Variants in CSMD1 observed in about 807,000 individuals in gnomAD.
CSMD1 encodes the protein CUB and Sushi multiple domains 1, also known as CUB and sushi domain-containing protein 1.
In CSMD1, 213 loss-of-function variants were observed where a neutral mutation model predicts 417.5. That is an observed-to-expected ratio of 0.51 (90% CI 0.46 to 0.57). The LOEUF (loss-of-function observed/expected upper bound fraction) is 0.57, where lower values mean the gene tolerates loss of function less well. Ranked by LOEUF, CSMD1 falls within the 20% of genes least tolerant of loss-of-function variation. The pLI, the probability that CSMD1 is intolerant of heterozygous loss-of-function variation, is 0.00. For synonymous variants in CSMD1, 2,862 were observed against 1,736.8 expected (o/e 1.65, Z -16.11); for missense variants, 6,923 against 4,529.7 (o/e 1.53, Z -15.17).
At chr8:4,751,451 T>C (rs942484977) in intron 1 of CSMD1, among the ~76,000 whole-genome samples, 1 of 152,088 alleles carries the variant, frequency 6.6e-6, no homozygotes, top group Non-Finnish European at 1.5e-5. Context: ...ATTTCCTCAG[T>C]AGTTCATTAC....
intron 3 of CSMD1, among the ~76,000 whole-genome samples, chr8:4,140,289 G>C (rs970294381): frequency 2.0e-5 from 3 of 150,918 alleles, no homozygotes; most frequent in African/African-American, 5.0e-5. Context: ...TTGAGGTCAG[G>C]AGTTTGAGAC....
At chr8:3,783,585 G>A (rs902447840) in intron 5 of CSMD1, among the ~76,000 whole-genome samples, 4 of 152,290 alleles carry the variant, frequency 2.6e-5, no homozygotes, top group African/African-American at 7.2e-5. Context: ...TGAGAGAGTT[G>A]GACACAGTAG....
At chr8:3,761,263 A>T (rs1797981504) in intron 5 of CSMD1, among the ~76,000 whole-genome samples, 1 of 152,212 alleles carries the variant, frequency 6.6e-6, no homozygotes, top group Admixed American at 6.5e-5. Flanking sequence ...GTATACACAC[A>T]TAAAATAAAC....
chr8:4,759,401 G>A (rs867727478), intron 1 of CSMD1, among the ~76,000 whole-genome samples: 10 of 152,152 alleles, frequency 6.6e-5, no homozygotes, highest in African/African-American at 2.2e-4. Flanking sequence ...TGGCATCTGA[G>A]CATCTCTGAA....
chr8:4,351,173 G>C (rs537283451), intron 3 of CSMD1, among the ~76,000 whole-genome samples: 10 of 152,048 alleles, frequency 6.6e-5, no homozygotes, highest in African/African-American at 1.7e-4. Flanking sequence ...AAAAATTAGG[G>C]AAAGAACAAA....
chr8:4,018,872 C>G (rs995609276), intron 4 of CSMD1, among the ~76,000 whole-genome samples: 1 of 152,028 alleles, frequency 6.6e-6, no homozygotes, highest in African/African-American at 2.4e-5. Flanking sequence ...TCATCTAAAC[C>G]AGAGGGATGA....
intron 26 of CSMD1, among the ~76,000 whole-genome samples, chr8:3,256,210 C>G (rs1212666423): frequency 6.6e-5 from 10 of 151,406 alleles, no homozygotes; most frequent in Non-Finnish European, 1.3e-4. Context: ...ACCTGTAATC[C>G]CAACTACTCA....
chr8:4,236,060 T>G (rs1585072819), intron 3 of CSMD1, among the ~76,000 whole-genome samples: 1 of 96,110 alleles, frequency 1.0e-5, no homozygotes, highest in Admixed American at 9.5e-5. Context: ...TTTTTTTTTT[T>G]TTTTTTTTTG....
At chr8:4,070,426 C>A (rs940885719) in intron 3 of CSMD1, among the ~76,000 whole-genome samples, 1 of 151,872 alleles carries the variant, frequency 6.6e-6, no homozygotes, top group African/African-American at 2.4e-5. Context: ...GGTGGGATCT[C>A]GGCTCACTGC....
intron 12 of CSMD1, among the ~76,000 whole-genome samples, chr8:3,456,261 G>C (rs1407420364): frequency 1.3e-5 from 2 of 151,956 alleles, no homozygotes; most frequent in African/African-American, 2.4e-5. Flanking sequence ...GCTCTTCATA[G>C]GTGGGGCGAT....
intron 1 of CSMD1, among the ~76,000 whole-genome samples, chr8:4,867,531 T>G (rs1209264436): frequency 2.0e-5 from 3 of 152,066 alleles, no homozygotes; most frequent in Non-Finnish European, 4.4e-5. Flanking sequence ...TTTTTTACCT[T>G]TGAGTAAGCA....
intron 3 of CSMD1, among the ~76,000 whole-genome samples, chr8:4,109,986 A>C (rs1801766914): frequency 6.6e-6 from 1 of 152,156 alleles, no homozygotes; most frequent in Non-Finnish European, 1.5e-5. Context: ...GACTAACTAG[A>C]ACCACAGAAT....
chr8:4,519,558 G>A (rs1315546253), intron 2 of CSMD1, among the ~76,000 whole-genome samples: 2 of 151,202 alleles, frequency 1.3e-5, no homozygotes, highest in African/African-American at 2.4e-5. Context: ...TGGACAACAT[G>A]GTGAAACCCC....
chr8:3,772,405 A>ACATACATT (rs1563064193), intron 5 of CSMD1, among the ~76,000 whole-genome samples: 3 of 58,366 alleles, frequency 5.1e-5, no homozygotes, highest in African/African-American at 2.8e-4. Context: ...ACACATATAT[A>ACATACATT]CATATATTTA....
In CSMD1 at chr8:3,874,049, C is replaced by T. The variant is rs116298545; in HGVS notation, c.819-120007G>A. ...AAATTAGCATCTGTAAAGCTTTCCA[C>T]TTCCCTCCCCTCAAATTTAGGAAGT... On this transcript the variant is annotated intron_variant, in intron 5 of 69. Coordinates refer to ENST00000635120, the MANE Select transcript of CSMD1 (RefSeq NM_033225.6). Among the ~76,000 whole-genome samples the T allele has an allele frequency of 3.3e-3, 496 of 152,338 alleles. 1 individual carries two copies. Among genetic ancestry groups the T allele is most frequent in the African/African-American group, 9.4e-3 (392 of 41,568 alleles).
chr8:4,224,606 G>C (rs985262439), intron 3 of CSMD1, among the ~76,000 whole-genome samples: 8 of 152,154 alleles, frequency 5.3e-5, no homozygotes, highest in African/African-American at 1.4e-4. Flanking sequence ...ACTTTGCAAA[G>C]GTTATGACTT....
intron 2 of CSMD1, among the ~76,000 whole-genome samples, chr8:4,421,893 A>G (rs565223842): frequency 2.0e-5 from 3 of 152,230 alleles, no homozygotes; most frequent in Non-Finnish European, 4.4e-5. Context: ...TTGGGAAAAT[A>G]AAATTGAAAA....
intron 2 of CSMD1, among the ~76,000 whole-genome samples, chr8:4,634,442 G>A (rs576823436): frequency 1.3e-5 from 2 of 152,206 alleles, no homozygotes; most frequent in South Asian, 2.1e-4. Flanking sequence ...TGCTCAAGTT[G>A]TTTAACAGAA....
intron 3 of CSMD1, among the ~76,000 whole-genome samples, chr8:4,281,387 T>G (rs1796776391): frequency 6.6e-6 from 1 of 152,126 alleles, no homozygotes; most frequent in African/African-American, 2.4e-5. Context: ...CAGTGGTTTT[T>G]CACCAAAAAA....
Sources: gnomAD v4.1 joint callset for allele counts (sites outside exome capture counted in the v4.1 genomes callset) on GRCh38, gnomAD v4.1.1 for gene constraint, MANE v1.5 for transcripts, NCBI Gene and HGNC (gene_info 2026-07-23, HGNC 2026-07-21) for gene names.